The following CDH1 variants were observed in gnomAD, a reference collection of about 807,000 sequenced individuals.
The protein encoded by CDH1 is cadherin 1.
A neutral mutation model predicts 84.5 loss-of-function variants in CDH1; 35 were observed. The ratio of observed to expected loss-of-function variants is 0.41; its 90% CI spans 0.32 to 0.55. The LOEUF is 0.55. Among genes scored for constraint, CDH1 ranks in the 20% least tolerant of loss-of-function variants. The pLI is 0.19. For synonymous variants in CDH1, 417 were observed against 439.0 expected (o/e 0.95, Z 0.63); for missense variants, 994 against 1,126.6 (o/e 0.88, Z 1.68).
intron 2 of CDH1, among the ~76,000 whole-genome samples, chr16:68,747,788 G>A (rs559916245): frequency 2.0e-5 from 3 of 151,988 alleles, no homozygotes; most frequent in Non-Finnish European, 4.4e-5. Flanking sequence ...TCCTTAGACC[G>A]AATCTTGCTC....
chr16:68,772,193 C>T (rs1368770225), intron 2 of CDH1, among the ~76,000 whole-genome samples: 5 of 152,222 alleles, frequency 3.3e-5, no homozygotes, highest in Non-Finnish European at 4.4e-5. Context: ...TGCCACACAA[C>T]GGCCAATCGC....
At chr16:68,796,904 G>T (rs532151193) in intron 2 of CDH1, among the ~76,000 whole-genome samples, 55 of 151,958 alleles carry the variant, frequency 3.6e-4, no homozygotes, top group Non-Finnish European at 6.0e-4. Context: ...TTGGGAGGCT[G>T]AGGTTGGTGG....
chr16:68,833,222 C>A, intron 15 of CDH1, 68 bp from the exon 16 acceptor site: 6 of 1,393,618 alleles, frequency 4.3e-6, no homozygotes, highest in Non-Finnish European at 6.1e-6. Flanking sequence ...TATTGCTAGA[C>A]TTCTTGCCCC....
chr16:68,826,786 G>A (rs1352919627), intron 13 of CDH1, among the ~76,000 whole-genome samples: 1 of 152,158 alleles, frequency 6.6e-6, no homozygotes, highest in African/African-American at 2.4e-5. Context: ...TGGGGACTGT[G>A]TAGCTCCTAT....
chr16:68,755,944 C>T (rs1007294752), intron 2 of CDH1, among the ~76,000 whole-genome samples: 5 of 151,098 alleles, frequency 3.3e-5, no homozygotes, highest in Admixed American at 6.6e-5. Context: ...TTGTATTTTT[C>T]GTAGAGACGG....
chr16:68,756,756 C>T (rs898939895), intron 2 of CDH1, among the ~76,000 whole-genome samples: 2 of 152,164 alleles, frequency 1.3e-5, no homozygotes, highest in African/African-American at 4.8e-5. Context: ...TGTAATCCAG[C>T]ACTTCGGGAG....
intron 3 of CDH1, among the ~76,000 whole-genome samples, chr16:68,804,307 G>T (rs1428424646): frequency 6.6e-6 from 1 of 151,638 alleles, no homozygotes; most frequent in African/African-American, 2.4e-5. Context: ...TAGAGACGGG[G>T]TTTCACCGTG....
Position 68,834,789 on chromosome 16 carries a change from T to C in CDH1, c.*1290T>C, listed in dbSNP as rs1428872240. 8.6e-6 allele frequency: 2 copies of C among 232,106 alleles called. No homozygotes were observed. The highest frequency in any genetic ancestry group is 5.6e-5 in the Admixed American group (1 of 17,746). The allele number at this position is 232,106 out of a possible 1,614,324, so 14.4% of individuals were successfully genotyped here. A position where few individuals can be genotyped will look rare whatever the true frequency, so the allele number is the denominator to read the frequency against. ...ATTTAGCTCTGAAGCAAGAGTGATA[T>C]ACTCCAGGACTTAGAATAGTGCCTA... is the stretch of plus-strand genomic sequence containing the variant. On this transcript the variant is annotated 3_prime_UTR_variant, in exon 16 of 16. Transcript: ENST00000261769.
chr16:68,781,819 T>A (rs759974608), intron 2 of CDH1, among the ~76,000 whole-genome samples: 1 of 152,134 alleles, frequency 6.6e-6, no homozygotes, highest in African/African-American at 2.4e-5. Flanking sequence ...TTTGAGAGAC[T>A]GTTGAAGACC....
rs1555509773 is a variant in CDH1 at position 68,738,354 on chromosome 16, A to G, written c.106A>G (p.Ser36Gly). ...CTGCCACCCTGGCTTTGACGCCGAG[A>G]GCTACACGTTCACGGTGCCCCGGCG... Reference protein sequence around the residue: ...EPCHPGFDAESYTFTVPRRHL... With the variant: ...EPCHPGFDAEGYTFTVPRRHL... Residue 36 changes from serine to glycine, a missense_variant, in exon 2 of 16, where the codon AGC becomes GGC. By Grantham distance (56) the Ser-to-Gly change is moderately conservative. Transcript: ENST00000261769. 1 of 1,551,216 alleles carries G rather than the reference A, an allele frequency of 6.4e-7. No homozygotes were observed. The highest frequency in any genetic ancestry group is 8.7e-7 in the Non-Finnish European group (1 of 1,146,788).
At chr16:68,747,169 A>C (rs1308107887) in intron 2 of CDH1, among the ~76,000 whole-genome samples, 2 of 152,116 alleles carry the variant, frequency 1.3e-5, no homozygotes, top group African/African-American at 4.8e-5. Context: ...GGTCAGCTTC[A>C]CCTGCTGGGC....
chr16:68,773,547 C>A (rs1452954952), intron 2 of CDH1, among the ~76,000 whole-genome samples: 2 of 152,252 alleles, frequency 1.3e-5, no homozygotes, highest in Non-Finnish European at 2.9e-5. Flanking sequence ...GATCTGCCCG[C>A]CCTGGCCTCC....
rs771551231 is a variant in CDH1, at chr16:68,815,720, C to A, written c.1526C>A (p.Thr509Asn). The A allele has an allele frequency of 1.3e-5, 21 of 1,614,106 alleles. No homozygotes were observed. Among genetic ancestry groups the A allele is most frequent in the Non-Finnish European group, 1.7e-5 (20 of 1,180,054 alleles). Residue 509 changes from threonine (T) to asparagine (N), a missense_variant, in exon 10 of 16, where the codon ACT (threonine) becomes AAT (asparagine). Around this residue, in one of 3 missense-constraint regions of CDH1, gnomAD observed 769 missense variants for 881.8 expected, o/e 0.87. Transcript: ENST00000261769. Reference sequence around the variant, plus strand: ...GTGGGCCAGGAAATCACATCCTACACTGCCCAGGAGCCAGACACATTTATG... The same window carrying A: ...GTGGGCCAGGAAATCACATCCTACAATGCCCAGGAGCCAGACACATTTATG... ...FGVGQEITSY[T>N]AQEPDTFMEQ...
chr16:68,779,281 C>T (rs1018051237), intron 2 of CDH1, among the ~76,000 whole-genome samples: 2 of 152,202 alleles, frequency 1.3e-5, no homozygotes, highest in Non-Finnish European at 2.9e-5. Flanking sequence ...GACTTTGCCT[C>T]TCTCTGCCTC....
intron 8 of CDH1, 29 bp downstream of exon 8, chr16:68,812,292 CAAAG>C: frequency 6.2e-7 from 1 of 1,612,612 alleles, no homozygotes; most frequent in Non-Finnish European, 8.5e-7. Context: ...AGAGGGTTTC[CAAAG>C]AAAGGTCTTT....
At chr16:68,804,995 A>C (rs1960619712) in intron 3 of CDH1, among the ~76,000 whole-genome samples, 1 of 100,598 alleles carries the variant, frequency 9.9e-6, no homozygotes, top group South Asian at 3.4e-4. Context: ...ATGCCCAGCT[A>C]ATTTTTTTTT....
At chr16:68,824,864 C>G (rs1286253900) in intron 13 of CDH1, among the ~76,000 whole-genome samples, 1 of 152,162 alleles carries the variant, frequency 6.6e-6, no homozygotes, top group African/African-American at 2.4e-5. Context: ...GACAAAGTAT[C>G]CATATGGAGG....
At chr16:68,796,714 CAG>C (rs1226973884) in intron 2 of CDH1, among the ~76,000 whole-genome samples, 1 of 151,326 alleles carries the variant, frequency 6.6e-6, no homozygotes, top group African/African-American at 2.4e-5. Flanking sequence ...GCAGGGATGA[CAG>C]AGTATTAAAA....
intron 2 of CDH1, among the ~76,000 whole-genome samples, chr16:68,760,618 C>A (rs1182847955): frequency 6.6e-6 from 1 of 152,158 alleles, no homozygotes; most frequent in Non-Finnish European, 1.5e-5. Flanking sequence ...CAGACCACCA[C>A]ACACACCTTG....
Sources: allele counts gnomAD v4.1 joint callset (sites outside exome capture counted in the v4.1 genomes callset), GRCh38; gene constraint gnomAD v4.1.1; regional missense constraint gnomAD v4.1.1; transcripts MANE v1.5; gene names NCBI Gene and HGNC (gene_info 2026-07-23, HGNC 2026-07-21).